Variants in RABGAP1 observed in about 807,000 individuals in gnomAD.
RABGAP1 encodes rab GTPase-activating protein 1.
In RABGAP1, 23 loss-of-function variants were observed where a neutral mutation model predicts 137.6. That is an observed-to-expected ratio of 0.17 (90% confidence interval 0.12 to 0.24). RABGAP1 has a LOEUF of 0.24. Among genes scored for constraint, RABGAP1 ranks in the 10% least tolerant of loss-of-function variants. The pLI is 1.00. For synonymous variants in RABGAP1, 451 were observed against 450.7 expected (o/e 1.00, Z -0.01); for missense variants, 906 against 1,275.8 (o/e 0.71, Z 4.42).
At chr9:123,080,671 T>C (rs572331957) in intron 19 of RABGAP1, among the ~76,000 whole-genome samples, 2 of 152,248 alleles carry the variant, frequency 1.3e-5, no homozygotes, top group Non-Finnish European at 2.9e-5. Context: ...CACATGAGGA[T>C]CTGTGGTTTG....
chr9:123,097,845 G>A lies in RABGAP1; in HGVS notation c.2733G>A (p.Gln911=). Residue 911 remains glutamine, a splice_region_variant and synonymous_variant, in exon 22 of 26, where the codon CAG becomes CAA. Coordinates refer to ENST00000373647, the MANE Select transcript of RABGAP1 (RefSeq NM_012197.4). ...EKRRLEEESA[Q]LKEMCRRELD... ...GACGGCTGGAAGAAGAGTCTGCTCA[G>A]GTAAGGGAACTCTCCCACATTCCTC... 2.5e-6 allele frequency: 4 copies of A among 1,609,902 alleles called. No individual in the cohort carries two copies. Among genetic ancestry groups the A allele is most frequent in the Non-Finnish European group, 2.5e-6 (3 of 1,178,786 alleles).
rs150100859 is a variant in RABGAP1, at chr9:123,098,773, G to A, written c.2792G>A (p.Ser931Asn). ...GCAGAATCTGAGATTAAAAAAAACA[G>A]TTCTATCATTGGTGACTATAAGCAG... ...DKAESEIKKN[S>N]SIIGDYKQIC... Residue 931 changes from serine to asparagine, a missense_variant, in exon 23 of 26, where the codon AGT (serine) becomes AAT (asparagine). Coordinates refer to ENST00000373647, the MANE Select transcript of RABGAP1 (RefSeq NM_012197.4). 5.9e-5 allele frequency: 95 copies of A among 1,613,722 alleles called. No individual in the cohort carries two copies. The African/African-American group carries it at 1.0e-3, about 17-fold the overall frequency.
chr9:123,067,734 G>A (rs1393290462), intron 14 of RABGAP1, among the ~76,000 whole-genome samples: 1 of 152,148 alleles, frequency 6.6e-6, no homozygotes, highest in Non-Finnish European at 1.5e-5. Context: ...ATTAAGTGTT[G>A]ATGAATTAGT....
chr9:123,019,592 T>G, intron 12 of RABGAP1, among the ~76,000 whole-genome samples: 1 of 152,134 alleles, frequency 6.6e-6, no homozygotes, highest in Admixed American at 6.5e-5. Context: ...TGGAACTACA[T>G]GAGTCACCAT....
intron 2 of RABGAP1, among the ~76,000 whole-genome samples, chr9:122,957,991 TTAAAAA>T (rs1014638879): frequency 4.0e-5 from 6 of 151,866 alleles, no homozygotes; most frequent in Admixed American, 1.3e-4. Flanking sequence ...CAGAGATAAA[TTAAAAA>T]TAAAATCTAC....
intron 14 of RABGAP1, among the ~76,000 whole-genome samples, chr9:123,068,873 T>A (rs2034266910): frequency 6.6e-6 from 1 of 152,176 alleles, no homozygotes; most frequent in South Asian, 2.1e-4. Context: ...TTGCCAAGAG[T>A]TATATATTCT....
At chr9:122,973,531 C>G (rs1835589725) in intron 2 of RABGAP1, among the ~76,000 whole-genome samples, 1 of 152,066 alleles carries the variant, frequency 6.6e-6, no homozygotes, top group African/African-American at 2.4e-5. Context: ...CCGAGCCTGG[C>G]CAGATCAGTT....
chr9:122,935,625 G>A, the RABGAP1 span, among the ~76,000 whole-genome samples: 1 of 151,990 alleles, frequency 6.6e-6, no homozygotes, highest in Non-Finnish European at 1.5e-5. Flanking sequence ...ACAGACATGA[G>A]CCACCACGCC....
intron 8 of RABGAP1, chr9:122,996,909 T>C: frequency 2.1e-6 from 1 of 474,250 alleles, no homozygotes; most frequent in Non-Finnish European, 3.9e-6. Flanking sequence ...GACTGTCGTG[T>C]ATCTTACCAA....
chr9:123,073,401 C>T lies in RABGAP1; in HGVS notation c.1984-151C>T, dbSNP rs945358381. 9 of 928,694 alleles carry T rather than the reference C, an allele frequency of 9.7e-6. No homozygotes were observed. The African/African-American group carries it at 1.5e-4, about 16-fold the overall frequency. 57.5% of individuals were successfully genotyped at this position (928,694 alleles called of 1,614,324 possible). On this transcript the variant is annotated intron_variant, in intron 15 of 25. Coordinates refer to ENST00000373647, the MANE Select transcript of RABGAP1 (RefSeq NM_012197.4). ...TGTTTGAGTGAATAAATGTTTTAAA[C>T]ACAACCTTAGGCCTGAGTTTCTGCA...
At chr9:122,961,203 G>C (rs775801872) in intron 2 of RABGAP1, among the ~76,000 whole-genome samples, 3 of 151,976 alleles carry the variant, frequency 2.0e-5, no homozygotes, top group Non-Finnish European at 2.9e-5. Flanking sequence ...TAGATGCAAA[G>C]ATATCCACAA....
intron 2 of RABGAP1, among the ~76,000 whole-genome samples, chr9:122,962,325 A>G (rs1332994751): frequency 1.3e-5 from 2 of 152,018 alleles, no homozygotes; most frequent in African/African-American, 4.8e-5. Context: ...CTTGGGCCAC[A>G]TGGTAAAACC....
At chr9:123,090,223 C>T in intron 20 of RABGAP1, 52 bp from the exon 21 acceptor site, 2 of 1,414,194 alleles carry the variant, frequency 1.4e-6, no homozygotes, top group Non-Finnish European at 1.9e-6. Flanking sequence ...GAGAAATTTT[C>T]ATTTCCATCT....
chr9:122,950,780 C>T (rs1302520605), intron 1 of RABGAP1, among the ~76,000 whole-genome samples: 3 of 152,116 alleles, frequency 2.0e-5, no homozygotes, highest in Admixed American at 6.5e-5. Flanking sequence ...AAAGACAGTG[C>T]TAGTGTTATC....
At chr9:122,976,479 A>G (rs1356600285) in intron 2 of RABGAP1, among the ~76,000 whole-genome samples, 2 of 152,190 alleles carry the variant, frequency 1.3e-5, no homozygotes, top group African/African-American at 4.8e-5. Context: ...GAATAATGAA[A>G]ACAGATGGTA....
intron 1 of RABGAP1, among the ~76,000 whole-genome samples, chr9:122,942,546 TGTA>T (rs1833642706): frequency 6.6e-6 from 1 of 151,752 alleles, no homozygotes; most frequent in African/African-American, 2.4e-5. Context: ...GGCAGGCGCC[TGTA>T]GTCCCAGCTA....
chr9:122,933,900 C>T, the RABGAP1 span, among the ~76,000 whole-genome samples: 1 of 150,244 alleles, frequency 6.7e-6, no homozygotes, highest in East Asian at 2.0e-4. Flanking sequence ...AGGCGTGAGC[C>T]ACTGTGTCCA....
At chr9:122,994,651 C>T (rs974178250) in intron 6 of RABGAP1, among the ~76,000 whole-genome samples, 1 of 152,088 alleles carries the variant, frequency 6.6e-6, no homozygotes, top group African/African-American at 2.4e-5. Context: ...TTTTATCTAG[C>T]CATTTACGGT....
chr9:122,941,602 G>T (rs905026006), intron 1 of RABGAP1, among the ~76,000 whole-genome samples: 1 of 152,134 alleles, frequency 6.6e-6, no homozygotes, highest in Admixed American at 6.5e-5. Context: ...CTGTCGCTTT[G>T]CCATCTCAGG....
Sources: allele counts gnomAD v4.1 joint callset (sites outside exome capture counted in the v4.1 genomes callset), GRCh38; gene constraint gnomAD v4.1.1; transcripts MANE v1.5; gene names NCBI Gene and HGNC (gene_info 2026-07-23, HGNC 2026-07-21).